Variants in TBC1D14 observed in about 807,000 individuals in gnomAD.
The protein encoded by TBC1D14 is TBC1 domain family, member 14.
Under a neutral mutation model 79.0 loss-of-function variants are expected in TBC1D14, and 26 were observed. The ratio of observed to expected loss-of-function variants is 0.33; its 90% CI spans 0.24 to 0.46. The LOEUF (loss-of-function observed/expected upper bound fraction) is 0.46. Ranked by LOEUF, TBC1D14 falls within the 20% of genes least tolerant of loss-of-function variation. The pLI is 1.00. For synonymous variants in TBC1D14, 394 were observed against 349.9 expected (o/e 1.13, Z -1.40); for missense variants, 769 against 887.6 (o/e 0.87, Z 1.70).
In TBC1D14 at chr4:7,025,268, C is replaced by T. The variant is rs1226005893; in HGVS notation, c.2016+6C>T. On this transcript the variant is annotated splice_donor_region_variant and intron_variant, in intron 13 of 13. Transcript: ENST00000409757. ...GAAACAAGAAGTGGGCTCAGGTCAG[C>T]GGGCTTTGTGTTCTTGGCTTCCCAC... is the stretch of plus-strand genomic sequence containing the variant. 1.4e-5 allele frequency: 22 copies of T among 1,613,936 alleles called. No homozygotes were observed. The highest frequency in any genetic ancestry group is 1.8e-5 in the Non-Finnish European group (21 of 1,179,938).
chr4:6,963,354 C>T (rs1715412707), intron 2 of TBC1D14, among the ~76,000 whole-genome samples: 1 of 152,382 alleles, frequency 6.6e-6, no homozygotes, highest in Middle Eastern at 3.4e-3. Flanking sequence ...CATGAAGCAG[C>T]AGCTGAGGGA....
At chr4:6,959,235 G>C (rs983187117) in intron 2 of TBC1D14, among the ~76,000 whole-genome samples, 4 of 152,212 alleles carry the variant, frequency 2.6e-5, no homozygotes, top group Non-Finnish European at 5.9e-5. Flanking sequence ...TTTGAGCCTT[G>C]GAGACGATAG....
rs200736031 is a variant in TBC1D14, at chr4:6,981,020, CTCTT to C, written c.844-13162_844-13159del. On this transcript the variant is annotated intron_variant, in intron 3 of 13. Coordinates refer to ENST00000409757, the MANE Select transcript of TBC1D14 (RefSeq NM_020773.3). Reference sequence around the variant, plus strand: ...GTGAGCCACCGCGCCCGGCCTCTGTCTCTTTTTTTTTTTTTTTTTTTAAAGACTG... The same window carrying C: ...GTGAGCCACCGCGCCCGGCCTCTGTCTTTTTTTTTTTTTTTTTAAAGACTG... Among the ~76,000 whole-genome samples the C allele has an allele frequency of 8.1e-3, 1,136 of 141,046 alleles. 11 individuals carry two copies. Among genetic ancestry groups the C allele is most frequent in the Non-Finnish European group, 0.013 (848 of 65,028 alleles). The allele number at this position is 141,046 out of a possible 152,430, so 92.5% of individuals were successfully genotyped here.
rs1715799874 is a variant in TBC1D14 at position 6,967,422 on chromosome 4, A to G, written c.841A>G (p.Lys281Glu). 4 of 1,611,868 alleles carry G rather than the reference A, an allele frequency of 2.5e-6. No homozygotes were observed. The highest frequency in any genetic ancestry group is 3.4e-6 in the Non-Finnish European group (4 of 1,179,578). The change falls in exon 3 of 14, where the codon AAG becomes GAG. Residue 281 changes from lysine to glutamate, a missense_variant and splice_region_variant. Lys to Glu is a moderately conservative substitution (Grantham distance 56, BLOSUM62 1). Transcript: ENST00000409757. Reference sequence around the variant, plus strand: ...CCAGAAGGATTCAAAGAGAATACAGAAGGTACACAAGATACAAAATCACAG... The same window carrying G: ...CCAGAAGGATTCAAAGAGAATACAGGAGGTACACAAGATACAAAATCACAG... ...NAQKDSKRIQ[K>E]EYEDKAGRPS...
In TBC1D14 at chr4:6,915,783, C is replaced by T. The variant is rs1489935969; in HGVS notation, c.-18+5832C>T. 3.3e-5 allele frequency among the ~76,000 whole-genome samples: 5 copies of T among 151,984 alleles called. No homozygotes were observed. The South Asian group carries it at 6.2e-4, about 19-fold the overall frequency. On this transcript the variant is annotated intron_variant, in intron 1 of 13. Coordinates refer to ENST00000409757, the MANE Select transcript of TBC1D14 (RefSeq NM_020773.3). ...TGGGATCTGTATACCCTCAGGCCAT[C>T]GTGGAGTAGGAATGAGCTGTGTGGG...
At chr4:6,947,112 G>A (rs914238465) in intron 2 of TBC1D14, among the ~76,000 whole-genome samples, 1 of 152,112 alleles carries the variant, frequency 6.6e-6, no homozygotes, top group African/African-American at 2.4e-5. Flanking sequence ...TGTAATCCCA[G>A]CACTTTGGGA....
intron 12 of TBC1D14, among the ~76,000 whole-genome samples, chr4:7,014,834 C>A (rs1721124223): frequency 2.6e-5 from 4 of 152,228 alleles, no homozygotes; most frequent in Non-Finnish European, 4.4e-5. Flanking sequence ...CCTGTGCAGG[C>A]CCTCGCTGGG....
At chr4:7,014,587 A>G in intron 12 of TBC1D14, 30 bp downstream of exon 12, 1 of 1,442,262 alleles carries the variant, frequency 6.9e-7, no homozygotes, top group Non-Finnish European at 9.7e-7. Context: ...GTGTTTTCAG[A>G]GCATTTCTCA....
intron 4 of TBC1D14, 47 bp from the exon 5 acceptor site, chr4:6,996,278 T>G: frequency 6.7e-7 from 1 of 1,492,984 alleles, no homozygotes; most frequent in Non-Finnish European, 9.3e-7. Context: ...CTGAAAGACT[T>G]CTATGCGGTA....
At chr4:6,922,891 A>G (rs1350199248) in intron 1 of TBC1D14, among the ~76,000 whole-genome samples, 1 of 152,096 alleles carries the variant, frequency 6.6e-6, no homozygotes. Flanking sequence ...TTATATCATG[A>G]CAGTGTATGT....
At position 7,026,600 on chromosome 4, in the gene TBC1D14, A is replaced by G. The variant is rs370400872; in HGVS notation, c.2016+1338A>G. Among the ~76,000 whole-genome samples the G allele has an allele frequency of 4.0e-4, 61 of 152,272 alleles. 1 individual carries two copies. The South Asian group carries it at 0.012, about 31-fold the overall frequency. ...TCTTGCTTGCCTTTATTTGTCAAAGAAAACAGGTCATTTAGGCTGGGCACA... is the reference window on the plus strand; with the variant it reads ...TCTTGCTTGCCTTTATTTGTCAAAGGAAACAGGTCATTTAGGCTGGGCACA... On this transcript the variant is annotated intron_variant, in intron 13 of 13. Coordinates refer to ENST00000409757, the MANE Select transcript of TBC1D14 (RefSeq NM_020773.3).
intron 2 of TBC1D14, among the ~76,000 whole-genome samples, chr4:6,959,469 G>A (rs532985344): frequency 1.3e-5 from 2 of 152,292 alleles, no homozygotes; most frequent in African/African-American, 4.8e-5. Flanking sequence ...CCGGGCTGGT[G>A]TGAAGGCTGT....
chr4:7,004,830 G>T lies in TBC1D14; in HGVS notation c.1271-14G>T, dbSNP rs1163147327. ...CATGTGCACGTAATACTTACCCAGA[G>T]GCTTTTCTTCCAGAGCTCTTTGACA... On this transcript the variant is annotated splice_polypyrimidine_tract_variant and intron_variant, in intron 7 of 13. Coordinates refer to ENST00000409757, the MANE Select transcript of TBC1D14 (RefSeq NM_020773.3). 6.2e-7 allele frequency: 1 copy of T among 1,614,044 alleles called. No individual in the cohort carries two copies. The highest frequency in any genetic ancestry group is 8.5e-7 in the Non-Finnish European group (1 of 1,179,938).
At chr4:7,003,042 G>A (rs770494387) in intron 7 of TBC1D14, among the ~76,000 whole-genome samples, 1 of 152,126 alleles carries the variant, frequency 6.6e-6, no homozygotes, top group African/African-American at 2.4e-5. Context: ...TTTTGCTCTT[G>A]TGGTTGTACA....
chr4:6,915,469 A>G (rs1723324800), intron 1 of TBC1D14, among the ~76,000 whole-genome samples: 1 of 152,178 alleles, frequency 6.6e-6, no homozygotes, highest in South Asian at 2.1e-4. Context: ...TGTCTGTGAC[A>G]TGCCTTTGTG....
At chr4:7,024,938 A>G in intron 12 of TBC1D14, 66 bp from the exon 13 acceptor site, 1 of 1,587,424 alleles carries the variant, frequency 6.3e-7, no homozygotes, top group Non-Finnish European at 8.6e-7. Flanking sequence ...ATCAGACTGG[A>G]ATTCACTGTT....
chr4:6,941,021 G>A (rs989987559), intron 2 of TBC1D14, among the ~76,000 whole-genome samples: 1 of 152,104 alleles, frequency 6.6e-6, no homozygotes, highest in Admixed American at 6.6e-5. Flanking sequence ...GGGTAAACAC[G>A]AGCGATTTAT....
chr4:6,935,011 C>G (rs1001278021), intron 2 of TBC1D14, among the ~76,000 whole-genome samples: 9 of 152,126 alleles, frequency 5.9e-5, no homozygotes, highest in Admixed American at 4.6e-4. Context: ...CCCAGGAGGT[C>G]GAGGCTGCAG....
intron 2 of TBC1D14, among the ~76,000 whole-genome samples, chr4:6,952,000 C>T (rs1446136087): frequency 1.1e-4 from 17 of 152,096 alleles, no homozygotes; most frequent in Admixed American, 1.1e-3. Context: ...AAGGCTTTGG[C>T]TGATAGGCTG....
Sources: gnomAD v4.1 joint callset for allele counts (sites outside exome capture counted in the v4.1 genomes callset) on GRCh38, gnomAD v4.1.1 for gene constraint, MANE v1.5 for transcripts, NCBI Gene and HGNC (gene_info 2026-07-23, HGNC 2026-07-21) for gene names.